The following NUDCD1 variants were observed in gnomAD, a reference collection of about 807,000 sequenced individuals.
The protein encoded by NUDCD1 is nudC domain-containing protein 1.
In NUDCD1, 60 loss-of-function variants were observed where a neutral mutation model predicts 67.8. That is an observed-to-expected ratio of 0.88 (90% CI 0.72 to 1.10). NUDCD1 has a LOEUF of 1.10. NUDCD1 is among the 50% of genes least tolerant of loss of function. The probability of loss-of-function intolerance (pLI) is 0.00; values close to 1 mark genes in which losing one functional copy is unlikely to be tolerated. For missense variants in NUDCD1, 643 were observed against 695.0 expected (o/e 0.93, Z 0.84); for synonymous variants, 244 against 230.8 (o/e 1.06, Z -0.52).
intron 1 of NUDCD1, among the ~76,000 whole-genome samples, chr8:109,325,560 A>T (rs933852250): frequency 6.6e-6 from 1 of 152,220 alleles, no homozygotes; most frequent in Non-Finnish European, 1.5e-5. Context: ...GAAAATCTGT[A>T]AAAAGTAGGA....
chr8:109,271,077 T>C lies in NUDCD1; in HGVS notation c.1227A>G (p.Glu409=). 1.9e-6 allele frequency: 3 copies of C among 1,594,700 alleles called. No homozygotes were observed. Among genetic ancestry groups the C allele is most frequent in the Non-Finnish European group, 2.6e-6 (3 of 1,164,806 alleles). ...AGCTCTCTTCAAAGAAAATATCACA[T>C]TCTTCTAACTCTTGAGCATTGCAAG... ...KPPCNAQELE[E]CDIFFEESSS... Residue 409 remains glutamate (E), a synonymous_variant, in exon 8 of 10, where the codon GAA becomes GAG. Transcript: ENST00000239690.
chr8:109,246,962 C>A (rs1169060448), intron 8 of NUDCD1, among the ~76,000 whole-genome samples: 2 of 152,178 alleles, frequency 1.3e-5, no homozygotes, highest in South Asian at 4.1e-4. Context: ...AGTGTCAGAG[C>A]AACCCATCTT....
At chr8:109,299,314 GC>G (rs1222755911) in intron 2 of NUDCD1, among the ~76,000 whole-genome samples, 6 of 152,272 alleles carry the variant, frequency 3.9e-5, no homozygotes, top group Non-Finnish European at 8.8e-5. Context: ...AAGAAGGAAA[GC>G]CATATTTGCT....
At chr8:109,274,754 T>C (rs1408207346) in intron 7 of NUDCD1, among the ~76,000 whole-genome samples, 2 of 151,758 alleles carry the variant, frequency 1.3e-5, no homozygotes, top group East Asian at 3.8e-4. Flanking sequence ...ATCTTTCATA[T>C]GCTGATATCA....
At chr8:109,245,970 C>T (rs775546608) in intron 8 of NUDCD1, among the ~76,000 whole-genome samples, 5 of 152,182 alleles carry the variant, frequency 3.3e-5, no homozygotes, top group Non-Finnish European at 7.3e-5. Context: ...GAATTAGATT[C>T]TCACAGGAGG....
intron 1 of NUDCD1, among the ~76,000 whole-genome samples, chr8:109,331,296 T>C (rs1033628452): frequency 2.0e-5 from 3 of 151,698 alleles, no homozygotes; most frequent in Admixed American, 6.6e-5. Context: ...ATCGCGCCAC[T>C]GCACTCCAGC....
At chr8:109,289,517 C>T (rs925253296) in intron 5 of NUDCD1, among the ~76,000 whole-genome samples, 3 of 151,902 alleles carry the variant, frequency 2.0e-5, no homozygotes, top group Non-Finnish European at 2.9e-5. Flanking sequence ...AGCTAATAAA[C>T]GATTTTTTAA....
At position 109,334,077 on chromosome 8, in the gene NUDCD1, G is replaced by C. The variant is rs1357667437; in HGVS notation, c.-67C>G. 1.2e-6 allele frequency: 2 copies of C among 1,602,122 alleles called. No individual in the cohort carries two copies. Among genetic ancestry groups the C allele is most frequent in the Non-Finnish European group, 1.7e-6 (2 of 1,173,372 alleles). On this transcript the variant is annotated 5_prime_UTR_variant, in exon 1 of 10. Coordinates refer to ENST00000239690, the MANE Select transcript of NUDCD1 (RefSeq NM_032869.4). ...TTGAAAGGTCCGCGCTTCACGCCTCGCACAGAGACTGGGAAGCGGCGTGGT... is the reference window on the plus strand; with the variant it reads ...TTGAAAGGTCCGCGCTTCACGCCTCCCACAGAGACTGGGAAGCGGCGTGGT...
intron 2 of NUDCD1, among the ~76,000 whole-genome samples, chr8:109,319,699 A>G (rs1815485960): frequency 6.6e-6 from 1 of 152,220 alleles, no homozygotes; most frequent in African/African-American, 2.4e-5. Context: ...GCTAGAATGT[A>G]GTATACAAAG....
At chr8:109,319,918 G>T (rs547508918) in intron 2 of NUDCD1, among the ~76,000 whole-genome samples, 1 of 152,124 alleles carries the variant, frequency 6.6e-6, no homozygotes, top group Non-Finnish European at 1.5e-5. Flanking sequence ...ATCCGGGGGA[G>T]ACATCACATG....
intron 2 of NUDCD1, among the ~76,000 whole-genome samples, chr8:109,311,961 A>G (rs1287058513): frequency 6.6e-6 from 1 of 152,110 alleles, no homozygotes; most frequent in Non-Finnish European, 1.5e-5. Context: ...AAAATAAAAA[A>G]TTAAAAAATG....
rs1042233725 is a variant in NUDCD1 at position 109,271,773 on chromosome 8, C to T, written c.1174-643G>A. ...CTGAAAAGCAGAAATAAAGAAATTCCTAAAAGCAGACAGAGGAGGAAAAGA... is the reference window on the plus strand; with the variant it reads ...CTGAAAAGCAGAAATAAAGAAATTCTTAAAAGCAGACAGAGGAGGAAAAGA... On this transcript the variant is annotated intron_variant, in intron 7 of 9. Transcript: ENST00000239690. Among the ~76,000 whole-genome samples, 40 of 151,916 alleles carry T rather than the reference C, an allele frequency of 2.6e-4. 1 individual carries two copies. Among genetic ancestry groups the T allele is most frequent in the African/African-American group, 9.2e-4 (38 of 41,446 alleles).
rs776880687 is a variant in NUDCD1 at position 109,242,340 on chromosome 8, C to T, written c.*669G>A. The stretch of plus-strand genomic sequence containing the variant: ...AGCAGAGACAGCCAACTCACTGAAT[C>T]GTGAAAAATAATAAAAGTCCTTGTT... On this transcript the variant is annotated 3_prime_UTR_variant, in exon 10 of 10. Coordinates refer to ENST00000239690, the MANE Select transcript of NUDCD1 (RefSeq NM_032869.4). 70 of 390,298 alleles carry T rather than the reference C, an allele frequency of 1.8e-4. No individual in the cohort carries two copies. Among genetic ancestry groups the T allele is most frequent in the Admixed American group, 3.6e-4 (8 of 22,534 alleles). 24.2% of individuals were successfully genotyped at this position (390,298 alleles called of 1,614,324 possible). A position where few individuals can be genotyped will look rare whatever the true frequency, so the allele number is the denominator to read the frequency against.
chr8:109,285,205 T>A (rs78894913), intron 5 of NUDCD1, among the ~76,000 whole-genome samples: 1 of 152,094 alleles, frequency 6.6e-6, no homozygotes, highest in African/African-American at 2.4e-5. Context: ...CCTGGACAGA[T>A]GGATTCACAT....
intron 1 of NUDCD1, among the ~76,000 whole-genome samples, chr8:109,332,845 C>T (rs1815842429): frequency 6.6e-6 from 1 of 152,170 alleles, no homozygotes; most frequent in South Asian, 2.1e-4. Flanking sequence ...CTTAACCTAC[C>T]CTTCAAAGCT....
chr8:109,290,034 A>T, intron 4 of NUDCD1, 101 bp from the exon 5 acceptor site: 1 of 561,474 alleles, frequency 1.8e-6, no homozygotes. Context: ...AAATAATTTG[A>T]ATGTATTATT....
At chr8:109,331,775 G>A (rs1226481150) in intron 1 of NUDCD1, among the ~76,000 whole-genome samples, 1 of 152,152 alleles carries the variant, frequency 6.6e-6, no homozygotes. Flanking sequence ...TCTCCACCTA[G>A]TAAACAGAAA....
chr8:109,332,794 A>C (rs544914157), intron 1 of NUDCD1, among the ~76,000 whole-genome samples: 7 of 152,192 alleles, frequency 4.6e-5, no homozygotes, highest in Non-Finnish European at 8.8e-5. Context: ...GAAAAAAATA[A>C]AAAGAAAAAT....
At chr8:109,304,208 G>C (rs1175939750) in intron 2 of NUDCD1, among the ~76,000 whole-genome samples, 1 of 152,106 alleles carries the variant, frequency 6.6e-6, no homozygotes, top group East Asian at 1.9e-4. Context: ...CACAAGAGCC[G>C]GGACCGTGCT....
Sources: gnomAD v4.1 joint callset for allele counts (sites outside exome capture counted in the v4.1 genomes callset) on GRCh38, gnomAD v4.1.1 for gene constraint, MANE v1.5 for transcripts, NCBI Gene and HGNC (gene_info 2026-07-23, HGNC 2026-07-21) for gene names.